Variants in EPM2A observed in about 807,000 individuals in gnomAD.
EPM2A encodes the protein EPM2A glucan phosphatase, laforin.
A neutral mutation model predicts 26.5 loss-of-function variants in EPM2A; 21 were observed. That is an observed-to-expected ratio of 0.79 (90% confidence interval 0.56 to 1.14). The LOEUF is 1.14. Ranked by LOEUF, EPM2A falls within the 50% of genes most tolerant of loss-of-function variation. The pLI, the probability that EPM2A is intolerant of heterozygous loss-of-function variation, is 0.00. For synonymous variants in EPM2A, 217 were observed against 177.6 expected (o/e 1.22, Z -1.76); for missense variants, 458 against 440.8 (o/e 1.04, Z -0.35).
intron 4 of EPM2A, among the ~76,000 whole-genome samples, chr6:145,433,703 T>C (rs1582751510): frequency 6.6e-6 from 1 of 152,158 alleles, no homozygotes; most frequent in Non-Finnish European, 1.5e-5. Context: ...TCCAATTTTT[T>C]CCCTCATTAA....
chr6:145,458,117 T>G (rs1779284377), intron 4 of EPM2A, among the ~76,000 whole-genome samples: 1 of 152,232 alleles, frequency 6.6e-6, no homozygotes, highest in Admixed American at 6.5e-5. Context: ...GTTCTCATTC[T>G]TAGAGTATTT....
Position 145,490,070 on chromosome 6 carries a change from A to G in EPM2A, c.555+12452T>C, listed in dbSNP as rs1779735004. The G allele has an allele frequency of 3.1e-6, 4 of 1,294,320 alleles. No individual in the cohort carries two copies. In the South Asian group the frequency reaches 5.6e-5, roughly 18 times the overall value. 80.2% of individuals were successfully genotyped at this position (1,294,320 alleles called of 1,614,324 possible). A position where few individuals can be genotyped will look rare whatever the true frequency, so the allele number is the denominator to read the frequency against. ...TTGTGCTGAATCCACCTGGACCTGA[A>G]GCAATGGTAGCACACGCACCTTCCC... is the stretch of plus-strand genomic sequence containing the variant. On this transcript the variant is annotated intron_variant, in intron 4 of 4. Transcript: ENST00000638717.
At chr6:145,667,853 T>C (rs919617822) in intron 2 of EPM2A, among the ~76,000 whole-genome samples, 9 of 150,268 alleles carry the variant, frequency 6.0e-5, no homozygotes, top group Admixed American at 2.7e-4. Context: ...GATGAGTTCA[T>C]GTCCTTTGTA....
chr6:145,591,398 G>A (rs1429962699), intron 2 of EPM2A, among the ~76,000 whole-genome samples: 1 of 152,074 alleles, frequency 6.6e-6, no homozygotes, highest in Non-Finnish European at 1.5e-5. Flanking sequence ...CCTACATGTA[G>A]ACAGATCATC....
chr6:145,524,761 A>G (rs375792219), intron 2 of EPM2A, among the ~76,000 whole-genome samples: 1 of 152,098 alleles, frequency 6.6e-6, no homozygotes, highest in Non-Finnish European at 1.5e-5. Context: ...GAGCAGAAGT[A>G]CTTTAGTTTA....
intron 4 of EPM2A, among the ~76,000 whole-genome samples, chr6:145,390,274 T>G (rs1267714047): frequency 6.6e-6 from 1 of 152,046 alleles, no homozygotes; most frequent in Non-Finnish European, 1.5e-5. Context: ...GAGACTAATC[T>G]GCTTTACTCA....
At chr6:145,619,844 C>T (rs992249306) in intron 2 of EPM2A, among the ~76,000 whole-genome samples, 17 of 151,942 alleles carry the variant, frequency 1.1e-4, no homozygotes, top group African/African-American at 4.1e-4. Context: ...TAAAGTTCTC[C>T]GTTGTAAGGA....
rs1187361613 is a variant in EPM2A at position 145,710,754 on chromosome 6, A to C, written c.301+24444T>G. On this transcript the variant is annotated intron_variant, in intron 1 of 3. Transcript: ENST00000367519. ...CAACAATGGTAGACTGGATTAAGAA[A>C]ATGTGGCACATATACACCATGGAAT... Among the ~76,000 whole-genome samples, 3 of 152,282 alleles carry C rather than the reference A, an allele frequency of 2.0e-5. No homozygotes were observed. In the East Asian group the frequency reaches 5.8e-4, roughly 29 times the overall value.
chr6:145,443,894 A>T (rs1272003650), intron 4 of EPM2A, among the ~76,000 whole-genome samples: 1 of 152,126 alleles, frequency 6.6e-6, no homozygotes, highest in Non-Finnish European at 1.5e-5. Flanking sequence ...GCCTGCCTCC[A>T]TTCATGTAAG....
intron 4 of EPM2A, among the ~76,000 whole-genome samples, chr6:145,453,317 G>A (rs1240797577): frequency 6.6e-6 from 1 of 151,978 alleles, no homozygotes; most frequent in Non-Finnish European, 1.5e-5. Context: ...TGGAGGTGGG[G>A]GGAAAAAAGA....
In EPM2A at chr6:145,625,976, T is replaced by A; in HGVS notation, c.*1440A>T. ...GTATCTCACTTCATCTATTTATTCA[T>A]CATGTGACAATAGACAGTTGAGTTA... On this transcript the variant is annotated 3_prime_UTR_variant, in exon 4 of 4. Coordinates refer to ENST00000367519, the MANE Select transcript of EPM2A (RefSeq NM_005670.4). 1 of 1,207,326 alleles carries A rather than the reference T, an allele frequency of 8.3e-7. No homozygotes were observed. Among genetic ancestry groups the A allele is most frequent in the Non-Finnish European group, 1.1e-6 (1 of 906,714 alleles). The allele number at this position is 1,207,326 out of a possible 1,614,324, so 74.8% of individuals were successfully genotyped here.
chr6:145,735,686 C>G (rs1207618599), upstream of EPM2A: 3 of 1,061,368 alleles, frequency 2.8e-6, no homozygotes, highest in African/African-American at 3.4e-5. Context: ...TCGTCCAGGC[C>G]GGCGGGAAGG....
chr6:145,420,879 T>G (rs1582741826), intron 4 of EPM2A, among the ~76,000 whole-genome samples: 1 of 151,964 alleles, frequency 6.6e-6, no homozygotes, highest in African/African-American at 2.4e-5. Context: ...GAGAGATCCT[T>G]TTATTAGAAA....
chr6:145,406,150 G>C (rs1778566668), intron 4 of EPM2A, among the ~76,000 whole-genome samples: 1 of 151,968 alleles, frequency 6.6e-6, no homozygotes. Flanking sequence ...AATAGTTAAA[G>C]GCTGCTGCCA....
intron 1 of EPM2A, among the ~76,000 whole-genome samples, chr6:145,714,706 T>C (rs1046518768): frequency 3.9e-5 from 6 of 152,160 alleles, no homozygotes; most frequent in Non-Finnish European, 8.8e-5. Context: ...ACATCTTACA[T>C]GGATGACAGC....
At chr6:145,714,028 G>A (rs1373713820) in intron 1 of EPM2A, among the ~76,000 whole-genome samples, 1 of 152,184 alleles carries the variant, frequency 6.6e-6, no homozygotes, top group Admixed American at 6.5e-5. Flanking sequence ...TCCAGAACAG[G>A]CAAAGCCCTA....
At chr6:145,418,222 C>A (rs545896316) in intron 4 of EPM2A, among the ~76,000 whole-genome samples, 36 of 152,328 alleles carry the variant, frequency 2.4e-4, no homozygotes, top group African/African-American at 7.7e-4. Flanking sequence ...ACCTGCTCCT[C>A]AGGAAATGCT....
At chr6:145,459,976 G>A (rs1391238207) in intron 4 of EPM2A, among the ~76,000 whole-genome samples, 1 of 152,104 alleles carries the variant, frequency 6.6e-6, no homozygotes, top group Non-Finnish European at 1.5e-5. Flanking sequence ...TTTTAATTAA[G>A]TTTGGTAGTT....
intron 2 of EPM2A, among the ~76,000 whole-genome samples, chr6:145,561,892 C>T (rs778104765): frequency 1.3e-5 from 2 of 151,958 alleles, no homozygotes; most frequent in Admixed American, 6.6e-5. Context: ...CACACCAGGG[C>T]CAGTCGGTGG....
Sources: gnomAD v4.1 joint callset for allele counts (sites outside exome capture counted in the v4.1 genomes callset) on GRCh38, gnomAD v4.1.1 for gene constraint, MANE v1.5 for transcripts, NCBI Gene and HGNC (gene_info 2026-07-23, HGNC 2026-07-21) for gene names.